TEKT5: variants seen among roughly 807,000 people sequenced by gnomAD.
TEKT5 encodes the protein tektin 5.
TEKT5 carries 52 observed loss-of-function variants against 48.7 expected under a neutral mutation model. The observed-to-expected ratio is 1.07, with a 90% confidence interval of 0.86 to 1.35. TEKT5 has a LOEUF of 1.35. Among genes scored for constraint, TEKT5 ranks in the 40% most tolerant of loss-of-function variants. The pLI, the probability that TEKT5 is intolerant of heterozygous loss-of-function variation, is 0.00. For synonymous variants in TEKT5, 318 were observed against 267.6 expected, an observed-to-expected ratio of 1.19 and a Z score of -1.84; for missense variants, 831 against 641.6, an observed-to-expected ratio of 1.30 and a Z score of -3.19.
intron 5 of TEKT5, among the ~76,000 whole-genome samples, chr16:10,664,920 A>G (rs1898433331): frequency 6.6e-6 from 1 of 152,206 alleles, no homozygotes; most frequent in Non-Finnish European, 1.5e-5. Flanking sequence ...TATTCTCACA[A>G]CTGCTTGTCA....
Position 10,676,115 on chromosome 16 carries a change from C to T in TEKT5, c.930G>A (p.Arg310=). The T allele has an allele frequency of 6.2e-7, 1 of 1,614,166 alleles. No homozygotes were observed. ...NDNIKHSQNM[R]ANSIQLREEA... is the part of the protein sequence containing the mutation. ...CCTCCCGCAGCTGGATGGAGTTGGC[C>T]CGCATGTTCTGAGAGTGTTTGATGT... The change falls in exon 5 of 7, where the codon CGG becomes CGA. Residue 310 remains arginine (R), a synonymous_variant. Transcript: ENST00000283025.
At chr16:10,673,682 A>C (rs1596414181) in intron 5 of TEKT5, among the ~76,000 whole-genome samples, 5 of 125,878 alleles carry the variant, frequency 4.0e-5, no homozygotes, top group African/African-American at 9.4e-5. Flanking sequence ...ACAGATTCTC[A>C]CTCTGTCTCC....
intron 5 of TEKT5, among the ~76,000 whole-genome samples, chr16:10,636,794 G>A (rs1305708068): frequency 1.4e-5 from 2 of 142,772 alleles, no homozygotes; most frequent in South Asian, 2.2e-4. Flanking sequence ...GTAAACTCTG[G>A]ATCTGTATGT....
At chr16:10,679,034 G>T (rs1199446902) in intron 4 of TEKT5, among the ~76,000 whole-genome samples, 1 of 152,182 alleles carries the variant, frequency 6.6e-6, no homozygotes, top group Non-Finnish European at 1.5e-5. Flanking sequence ...TTTGCTGTGT[G>T]AGCTTGAGCC....
At chr16:10,687,911 G>A (rs1399088988) in intron 3 of TEKT5, among the ~76,000 whole-genome samples, 1 of 152,198 alleles carries the variant, frequency 6.6e-6, no homozygotes, top group Non-Finnish European at 1.5e-5. Context: ...CATGCAATTT[G>A]TAACAATCAC....
rs145659828 is a variant in TEKT5, at chr16:10,689,963, G to A, written c.627C>T (p.Asn209=). 6.2e-6 allele frequency: 10 copies of A among 1,614,020 alleles called. No individual in the cohort carries two copies. The highest frequency in any genetic ancestry group is 1.1e-5 in the South Asian group (1 of 91,056). Residue 209 remains asparagine, a synonymous_variant, in exon 2 of 7, where the codon AAC becomes AAT. Transcript: ENST00000283025. ...TTACCCGGATAAGGTTTTTCTCCACGTTGTCATGGACCAAATCAATCCCAA... is the reference window on the plus strand; with the variant it reads ...TTACCCGGATAAGGTTTTTCTCCACATTGTCATGGACCAAATCAATCCCAA... The part of the protein sequence containing the change: ...KRIGIDLVHD[N]VEKNLIREVD...
At position 10,690,066 on chromosome 16, in the gene TEKT5, G is replaced by A. The variant is rs767245037; in HGVS notation, c.565-41C>T. 30 of 1,601,482 alleles carry A rather than the reference G, an allele frequency of 1.9e-5. No homozygotes were observed. In the Admixed American group the frequency reaches 3.0e-4, roughly 16 times the overall value. On this transcript the variant is annotated intron_variant, in intron 1 of 6. Transcript: ENST00000283025. ...GAAAGAACGTATTCTTCCTGTAGCTGTATGTAGACCCTGAGCAGAAGGGAC... is the reference window on the plus strand; with the variant it reads ...GAAAGAACGTATTCTTCCTGTAGCTATATGTAGACCCTGAGCAGAAGGGAC...
chr16:10,660,693 GTGTGTGTGTGTT>G (rs987158881), intron 5 of TEKT5, among the ~76,000 whole-genome samples: 18 of 115,082 alleles, frequency 1.6e-4, no homozygotes, highest in African/African-American at 3.0e-4. Flanking sequence ...GTGTGTGTGT[GTGTGTGTGTGTT>G]ATTTATTTAT....
chr16:10,644,281 A>G (rs1414190369), intron 5 of TEKT5, among the ~76,000 whole-genome samples: 1 of 152,162 alleles, frequency 6.6e-6, no homozygotes, highest in Non-Finnish European at 1.5e-5. Flanking sequence ...TGCACATATG[A>G]AGTCAACTGA....
intron 4 of TEKT5, among the ~76,000 whole-genome samples, chr16:10,676,743 C>T (rs559831568): frequency 2.6e-5 from 4 of 152,314 alleles, no homozygotes; most frequent in Admixed American, 6.5e-5. Context: ...TCAACTTCTA[C>T]GACATGCCAA....
At chr16:10,692,069 G>C (rs1404518737) in intron 1 of TEKT5, among the ~76,000 whole-genome samples, 4 of 152,190 alleles carry the variant, frequency 2.6e-5, no homozygotes, top group African/African-American at 9.7e-5. Context: ...ACATTGCGCA[G>C]GGAGAGGCTG....
intron 5 of TEKT5, among the ~76,000 whole-genome samples, chr16:10,643,681 G>A: frequency 6.6e-6 from 1 of 152,168 alleles, no homozygotes. Flanking sequence ...TTGACAACAT[G>A]TAAAAATAAC....
intron 5 of TEKT5, among the ~76,000 whole-genome samples, chr16:10,667,485 G>A (rs541864286): frequency 5.3e-5 from 8 of 152,296 alleles, no homozygotes; most frequent in South Asian, 2.1e-4. Flanking sequence ...CCTGACTTCC[G>A]TCTTCTGTGC....
intron 5 of TEKT5, among the ~76,000 whole-genome samples, chr16:10,638,546 C>T (rs1897947312): frequency 6.6e-6 from 1 of 152,228 alleles, no homozygotes; most frequent in African/African-American, 2.4e-5. Flanking sequence ...AAGGATGTGC[C>T]AGTGCAACTC....
At chr16:10,672,057 G>A (rs1898557834) in intron 5 of TEKT5, among the ~76,000 whole-genome samples, 1 of 152,150 alleles carries the variant, frequency 6.6e-6, no homozygotes, top group African/African-American at 2.4e-5. Flanking sequence ...TTCAGACTGG[G>A]AAGATGGAAA....
intron 5 of TEKT5, among the ~76,000 whole-genome samples, chr16:10,673,793 G>A (rs145992344): frequency 3.3e-5 from 5 of 151,714 alleles, no homozygotes; most frequent in African/African-American, 9.7e-5. Context: ...TGGAATTACA[G>A]GTGCATGCCA....
At chr16:10,640,445 T>G (rs1897978364) in intron 5 of TEKT5, among the ~76,000 whole-genome samples, 1 of 152,220 alleles carries the variant, frequency 6.6e-6, no homozygotes, top group Non-Finnish European at 1.5e-5. Flanking sequence ...AATAGATTTT[T>G]TTAAGCTTTA....
intron 3 of TEKT5, among the ~76,000 whole-genome samples, 192 bp downstream of exon 3, chr16:10,689,061 A>C (rs192124050): frequency 5.9e-5 from 9 of 152,240 alleles, no homozygotes; most frequent in Admixed American, 5.9e-4. Flanking sequence ...TACACCAGCG[A>C]AACTGGCAGA....
At chr16:10,677,788 C>G (rs1898674289) in intron 4 of TEKT5, among the ~76,000 whole-genome samples, 1 of 152,136 alleles carries the variant, frequency 6.6e-6, no homozygotes, top group African/African-American at 2.4e-5. Context: ...CTCCCACACT[C>G]TGTCTTCTGC....
Sources: allele counts gnomAD v4.1 joint callset (sites outside exome capture counted in the v4.1 genomes callset), GRCh38; gene constraint gnomAD v4.1.1; transcripts MANE v1.5; gene names NCBI Gene and HGNC (gene_info 2026-07-23, HGNC 2026-07-21).